Variants in ZNF160 observed in about 807,000 individuals in gnomAD.
ZNF160 encodes zinc finger protein 160, also known as KRAB zinc finger protein KR18.
Under a neutral mutation model 13.1 loss-of-function variants are expected in ZNF160, and 9 were observed. The observed-to-expected ratio is 0.69, with a 90% CI of 0.41 to 1.20. ZNF160 has a LOEUF of 1.20. Among genes scored for constraint, ZNF160 ranks in the 50% most tolerant of loss-of-function variants. The pLI, the probability that ZNF160 is intolerant of heterozygous loss-of-function variation, is 0.01. For synonymous variants in ZNF160, 293 were observed against 333.2 expected, an observed-to-expected ratio of 0.88 and a Z score of 1.31; for missense variants, 838 against 988.0, an observed-to-expected ratio of 0.85 and a Z score of 2.04.
In ZNF160 at chr19:53,068,118, T is replaced by C. The variant is rs1471511780; in HGVS notation, c.2416A>G (p.Ser806Gly). The change falls in exon 6 of 6, where the codon AGT becomes GGT. Residue 806 changes from serine (S) to glycine (G), a missense_variant. Ser to Gly is a moderately conservative substitution (Grantham distance 56). Coordinates refer to ENST00000683776, the MANE Select transcript of ZNF160 (RefSeq NM_001322131.2). ...TCTCCGGTATGCATTCTGTGATGAC[T>C]TGCAAGATTTGAACTCTGCCTGAAG... The part of the protein sequence containing the change: ...KVFRQSSNLA[S>G]HHRMHTGEKP... The C allele has an allele frequency of 3.1e-6, 5 of 1,613,184 alleles. No homozygotes were observed. The highest frequency in any genetic ancestry group is 3.4e-6 in the Non-Finnish European group (4 of 1,179,470).
intron 3 of ZNF160, chr19:53,085,675 A>G (rs2084804571): frequency 4.5e-6 from 1 of 222,856 alleles, no homozygotes. Context: ...GAATCTTGTT[A>G]CACATTTATG....
At chr19:53,098,061 AATCTCTGTGTCAGC>A (rs1383164048) in intron 1 of ZNF160, among the ~76,000 whole-genome samples, 12 of 152,144 alleles carry the variant, frequency 7.9e-5, no homozygotes, top group Admixed American at 6.5e-5. Context: ...CCTGCATGCA[AATCTCTGTGTCAGC>A]ATCTGTTTCC....
intron 2 of ZNF160, among the ~76,000 whole-genome samples, chr19:53,089,071 G>A (rs1056026818): frequency 6.6e-6 from 1 of 152,152 alleles, no homozygotes; most frequent in African/African-American, 2.4e-5. Context: ...TCCTGAGTTC[G>A]GTGAATGACC....
chr19:53,088,479 C>T (rs1044808311), intron 2 of ZNF160, among the ~76,000 whole-genome samples: 1 of 151,386 alleles, frequency 6.6e-6, no homozygotes, highest in African/African-American at 2.4e-5. Context: ...TTGAGACCAG[C>T]CTGGCCAACA....
Position 53,069,458 on chromosome 19 carries a change from T to G in ZNF160, c.1076A>C (p.His359Pro). ...TTTTTCTCCAGTATGAATTAACTGA[T>G]GGGTAGTTAGGTTTGAATGTCCTCT... is the stretch of plus-strand genomic sequence containing the variant. ...AFRGHSNLTT[H>P]QLIHTGEKPF... The change falls in exon 6 of 6, where the codon CAT (histidine) becomes CCT (proline). Residue 359 changes from histidine (H) to proline (P), a missense_variant. His to Pro is a moderately conservative substitution (Grantham distance 77, BLOSUM62 -2). Around this residue, in one of 3 missense-constraint regions of ZNF160, gnomAD observed 400 missense variants for 538.9 expected, o/e 0.74. Coordinates refer to ENST00000683776, the MANE Select transcript of ZNF160 (RefSeq NM_001322131.2). This position sits in a 1 kb window ranked among gnomAD's most constrained non-coding sequence, Gnocchi z 4.4. 1.2e-6 allele frequency: 2 copies of G among 1,614,042 alleles called. No individual in the cohort carries two copies. The highest frequency in any genetic ancestry group is 4.5e-5 in the East Asian group (2 of 44,850).
intron 5 of ZNF160, 133 bp downstream of exon 5, chr19:53,074,007 C>T (rs953136392): frequency 2.6e-5 from 21 of 812,806 alleles, no homozygotes; most frequent in Non-Finnish European, 3.6e-5. Flanking sequence ...TCAGGCTGGT[C>T]TCGAACTCCT....
In ZNF160 at chr19:53,086,226, A is replaced by G. The variant is rs1298933022; in HGVS notation, c.15+36T>C. ...TGCCAATGCCAGGCATTTCAGGAAG[A>G]AATAAAAGAACAATCCACCAGGAGT... On this transcript the variant is annotated intron_variant, in intron 3 of 5. Coordinates refer to ENST00000683776, the MANE Select transcript of ZNF160 (RefSeq NM_001322131.2). 2.6e-6 allele frequency: 4 copies of G among 1,564,196 alleles called. No homozygotes were observed. The East Asian group carries it at 9.0e-5, about 35-fold the overall frequency.
intron 1 of ZNF160, among the ~76,000 whole-genome samples, chr19:53,094,042 G>A (rs10402691): frequency 0.22 from 33,786 of 152,072 alleles, 3,997 homozygotes; most frequent in Middle Eastern, 0.27. Context: ...TATCATACAA[G>A]GTAACACTCC....
rs751511122 is a variant in ZNF160 at position 53,075,043 on chromosome 19, A to G, written c.142+14T>C. 4.3e-5 allele frequency: 70 copies of G among 1,613,932 alleles called. No homozygotes were observed. Among genetic ancestry groups the G allele is most frequent in the Non-Finnish European group, 5.9e-5 (70 of 1,179,950 alleles). On this transcript the variant is annotated intron_variant, in intron 4 of 5. Transcript: ENST00000683776. The stretch of plus-strand genomic sequence containing the variant: ...AAGAACAGATCTTGACTTCTGGAAG[A>G]AAGTCATCCTCACCCAGAGAAACAA...
rs537240849 is a variant in ZNF160 at position 53,068,656 on chromosome 19, G to A, written c.1878C>T (p.Cys626=). Residue 626 remains cysteine (C), a synonymous_variant, in exon 6 of 6, where the codon TGC becomes TGT. Transcript: ENST00000683776. ...TGEKPYKCHE[C]GKVFRHNSYL... ...ATGAATTGTGCCTAAAAACCTTGCC[G>A]CATTCATGACATTTGTAAGGTTTCT... is the stretch of plus-strand genomic sequence containing the variant. 100 of 1,613,120 alleles carry A rather than the reference G, an allele frequency of 6.2e-5. No individual in the cohort carries two copies. The South Asian group carries it at 7.9e-4, about 13-fold the overall frequency.
intron 5 of ZNF160, among the ~76,000 whole-genome samples, chr19:53,071,556 A>AAC (rs1555761938): frequency 4.7e-4 from 70 of 149,948 alleles, no homozygotes; most frequent in African/African-American, 1.7e-3. Context: ...AAAAAAAAAA[A>AAC]AAAGGCTGAG....
At chr19:53,081,239 A>G (rs1378068617) in intron 3 of ZNF160, among the ~76,000 whole-genome samples, 2 of 152,230 alleles carry the variant, frequency 1.3e-5, no homozygotes, top group Admixed American at 1.3e-4. Context: ...AAGACCTCAT[A>G]ATAAATGCAG....
intron 5 of ZNF160, among the ~76,000 whole-genome samples, chr19:53,070,700 C>G (rs1262588252): frequency 6.6e-6 from 1 of 152,166 alleles, no homozygotes; most frequent in East Asian, 1.9e-4. Flanking sequence ...AGGCGTGAGT[C>G]ACTGTGCCCA....
At chr19:53,099,217 G>A (rs990794298) in intron 1 of ZNF160, among the ~76,000 whole-genome samples, 2 of 152,240 alleles carry the variant, frequency 1.3e-5, no homozygotes, top group South Asian at 4.1e-4. Context: ...TCAGATGGGG[G>A]TGCAAGAGGG....
Position 53,067,920 on chromosome 19 carries a change from T to C in ZNF160, c.*157A>G, listed in dbSNP as rs186406325. ...AGGCCTGGATAGACCCTCTGCCACA[T>C]ATGTTTACATGATGTCTCTTGCTTA... On this transcript the variant is annotated 3_prime_UTR_variant, in exon 6 of 6. Transcript: ENST00000683776. 1.2e-5 allele frequency: 12 copies of C among 1,041,616 alleles called. No homozygotes were observed. The East Asian group carries it at 3.0e-4, about 26-fold the overall frequency. The allele number at this position is 1,041,616 out of a possible 1,614,324, so 64.5% of individuals were successfully genotyped here.
chr19:53,076,336 G>T lies in ZNF160; in HGVS notation c.16-1153C>A, dbSNP rs532895385. On this transcript the variant is annotated intron_variant, in intron 3 of 5. Transcript: ENST00000683776. The stretch of plus-strand genomic sequence containing the variant: ...CTACATGAACTAAATAAGCACAACT[G>T]GTATCTTAAGAAATGATAATGCGGC... Among the ~76,000 whole-genome samples, 57 of 152,284 alleles carry T rather than the reference G, an allele frequency of 3.7e-4. 1 individual carries two copies. In the South Asian group the frequency reaches 0.012, roughly 31 times the overall value.
At chr19:53,086,490 C>T (rs186796084) in intron 2 of ZNF160, among the ~76,000 whole-genome samples, 169 bp from the exon 3 acceptor site, 260 of 152,250 alleles carry the variant, frequency 1.7e-3, no homozygotes, top group African/African-American at 5.7e-3. Context: ...AATACGGGGA[C>T]GAGAAACTCC....
intron 3 of ZNF160, among the ~76,000 whole-genome samples, chr19:53,084,347 T>G (rs2084750271): frequency 6.6e-6 from 1 of 152,194 alleles, no homozygotes; most frequent in East Asian, 1.9e-4. Context: ...ATGCAGTACC[T>G]TACGGCAGGA....
chr19:53,081,360 G>A (rs1038308298), intron 3 of ZNF160, among the ~76,000 whole-genome samples: 9 of 152,094 alleles, frequency 5.9e-5, no homozygotes, highest in Non-Finnish European at 7.4e-5. Context: ...TGCAAACTAC[G>A]CATCTGACGA....
Sources: gnomAD v4.1 joint callset for allele counts (sites outside exome capture counted in the v4.1 genomes callset) on GRCh38, gnomAD v4.1.1 for gene constraint, gnomAD v4.1.1 regional missense constraint, Gnocchi (gnomAD v3.1) non-coding constraint, MANE v1.5 for transcripts, NCBI Gene and HGNC (gene_info 2026-07-23, HGNC 2026-07-21) for gene names.